EHD2: variants seen among roughly 807,000 people sequenced by gnomAD.
EHD2 encodes the protein EH domain containing 2.
In EHD2, 27 loss-of-function variants were observed where a neutral mutation model predicts 41.0. That is an observed-to-expected ratio of 0.66 (90% CI 0.49 to 0.91). The LOEUF (loss-of-function observed/expected upper bound fraction) is 0.91. Ranked by LOEUF, EHD2 falls within the 40% of genes least tolerant of loss-of-function variation. The pLI is 0.00. For missense variants in EHD2, 673 were observed against 773.9 expected (o/e 0.87, Z 1.55); for synonymous variants, 342 against 341.0 (o/e 1.00, Z -0.03).
chr19:47,727,770 G>C (rs939565638), intron 4 of EHD2, among the ~76,000 whole-genome samples: 2 of 150,610 alleles, frequency 1.3e-5, no homozygotes, highest in African/African-American at 4.9e-5. Flanking sequence ...TCTTTTGATG[G>C]AGGGAGACAG....
chr19:47,720,113 CTG>C (rs57860524), intron 3 of EHD2, among the ~76,000 whole-genome samples: 31,429 of 147,562 alleles, frequency 0.21, 4,733 homozygotes, highest in African/African-American at 0.43. Context: ...GTACATGCCT[CTG>C]TGTGTGTGTG....
intron 4 of EHD2, chr19:47,731,355 G>A: frequency 7.5e-6 from 1 of 134,182 alleles, no homozygotes; most frequent in Non-Finnish European, 1.6e-5. Context: ...TATCACCCAG[G>A]CTGGAGAGCA....
At chr19:47,721,164 G>GT (rs1973691757) in intron 3 of EHD2, among the ~76,000 whole-genome samples, 43 of 57,162 alleles carry the variant, frequency 7.5e-4, no homozygotes, top group African/African-American at 3.3e-3. Flanking sequence ...TGCTACTGGG[G>GT]GTGTGTGTGT....
intron 4 of EHD2, chr19:47,731,280 A>AATATATATATATG (rs1491458646): frequency 1.8e-5 from 1 of 54,728 alleles, no homozygotes; most frequent in Non-Finnish European, 3.7e-5. Context: ...AAAAAAAAAA[A>AATATATATATATG]TATATATATA....
intron 1 of EHD2, among the ~76,000 whole-genome samples, chr19:47,713,785 A>C (rs1490891305): frequency 7.3e-6 from 1 of 137,840 alleles, no homozygotes; most frequent in South Asian, 2.4e-4. Flanking sequence ...AGTCTCCTCC[A>C]TCCTCCCCCA....
At chr19:47,720,956 GTGTC>G (rs1049698631) in intron 3 of EHD2, among the ~76,000 whole-genome samples, 36 of 152,162 alleles carry the variant, frequency 2.4e-4, no homozygotes, top group African/African-American at 4.3e-4. Context: ...GTGTGCGACT[GTGTC>G]TGTGTGGGTG....
intron 3 of EHD2, among the ~76,000 whole-genome samples, chr19:47,723,403 T>G (rs1349106098): frequency 6.6e-6 from 1 of 152,052 alleles, no homozygotes; most frequent in Non-Finnish European, 1.5e-5. Context: ...GGCTCATGCC[T>G]GTAATCTCAG....
chr19:47,735,904 G>GAA (rs58531394), intron 4 of EHD2, among the ~76,000 whole-genome samples: 94 of 144,916 alleles, frequency 6.5e-4, no homozygotes, highest in African/African-American at 1.4e-3. Flanking sequence ...ACTCTGTCTC[G>GAA]AAAAAAAAAA....
At chr19:47,725,214 G>A (rs1414425103) in intron 3 of EHD2, among the ~76,000 whole-genome samples, 6 of 151,336 alleles carry the variant, frequency 4.0e-5, no homozygotes, top group African/African-American at 1.2e-4. Flanking sequence ...ACATACCGAC[G>A]CACACCTGTA....
chr19:47,735,136 G>C (rs1001156622), intron 4 of EHD2, among the ~76,000 whole-genome samples: 1 of 152,210 alleles, frequency 6.6e-6, no homozygotes, highest in Non-Finnish European at 1.5e-5. Flanking sequence ...GCCCTTTTCA[G>C]AGATGGGCAC....
At chr19:47,720,269 C>G (rs971724561) in intron 3 of EHD2, among the ~76,000 whole-genome samples, 1 of 152,008 alleles carries the variant, frequency 6.6e-6, no homozygotes, top group African/African-American at 2.4e-5. Context: ...GTTCAAGTGG[C>G]TCTGCTGCCT....
intron 4 of EHD2, chr19:47,731,279 A>AAAAAAAAAATATATATATAT: frequency 3.3e-5 from 2 of 60,932 alleles, no homozygotes; most frequent in African/African-American, 9.8e-5. Flanking sequence ...AAAAAAAAAA[A>AAAAAAAAAATATATATATAT]ATATATATAT....
chr19:47,735,911 A>AT (rs1966916766), intron 4 of EHD2, among the ~76,000 whole-genome samples: 1 of 150,740 alleles, frequency 6.6e-6, no homozygotes, highest in Non-Finnish European at 1.5e-5. Context: ...CTCGAAAAAA[A>AT]AAAAGACTGG....
intron 4 of EHD2, chr19:47,731,279 A>AAAAAAAAAAAATATAT: frequency 9.8e-5 from 6 of 60,924 alleles, no homozygotes; most frequent in African/African-American, 2.4e-4. Context: ...AAAAAAAAAA[A>AAAAAAAAAAAATATAT]ATATATATAT....
chr19:47,726,877 T>C (rs1244029052), intron 4 of EHD2, among the ~76,000 whole-genome samples: 4 of 152,110 alleles, frequency 2.6e-5, no homozygotes, highest in Non-Finnish European at 4.4e-5. Flanking sequence ...GAGGTCTTAC[T>C]GTGTTGCCCA....
At chr19:47,731,121 G>A (rs983450159) in intron 4 of EHD2, among the ~76,000 whole-genome samples, 4 of 150,798 alleles carry the variant, frequency 2.7e-5, no homozygotes, top group African/African-American at 7.3e-5. Context: ...ATGTGCAAAG[G>A]CCCTGGGGCA....
intron 4 of EHD2, among the ~76,000 whole-genome samples, chr19:47,726,822 GCA>G (rs1973758290): frequency 6.6e-6 from 1 of 152,058 alleles, no homozygotes; most frequent in South Asian, 2.1e-4. Context: ...GAGACCACAG[GCA>G]CGTGTCACCA....
At chr19:47,736,133 T>A (rs1475878859) in intron 4 of EHD2, among the ~76,000 whole-genome samples, 1 of 151,538 alleles carries the variant, frequency 6.6e-6, no homozygotes, top group Non-Finnish European at 1.5e-5. Flanking sequence ...GAGGCGGAGG[T>A]TGCAGTGAGC....
In EHD2 at chr19:47,725,801, T is replaced by A. The variant is rs1400568806; in HGVS notation, c.503-11T>A. 6.4e-7 allele frequency: 1 copy of A among 1,568,148 alleles called. No individual in the cohort carries two copies. Among genetic ancestry groups the A allele is most frequent in the East Asian group, 2.3e-5 (1 of 44,244 alleles). Reference sequence around the variant, plus strand: ...GCCCCTTGCGCCCCTGTCTCTCCACTCCCACTCCAGGCTACGACTTCCCGG... The same window carrying A: ...GCCCCTTGCGCCCCTGTCTCTCCACACCCACTCCAGGCTACGACTTCCCGG... On this transcript the variant is annotated splice_polypyrimidine_tract_variant and intron_variant, in intron 3 of 5. Coordinates refer to ENST00000263277, the MANE Select transcript of EHD2 (RefSeq NM_014601.4).
Sources: gnomAD v4.1 joint callset for allele counts (sites outside exome capture counted in the v4.1 genomes callset) on GRCh38, gnomAD v4.1.1 for gene constraint, MANE v1.5 for transcripts, NCBI Gene and HGNC (gene_info 2026-07-23, HGNC 2026-07-21) for gene names.